GALNT17: variants seen among roughly 807,000 people sequenced by gnomAD.
GALNT17 encodes polypeptide N-acetylgalactosaminyltransferase 17.
Under a neutral mutation model 63.7 loss-of-function variants are expected in GALNT17, and 29 were observed. The ratio of observed to expected loss-of-function variants is 0.46; its 90% CI spans 0.34 to 0.62. GALNT17 has a LOEUF of 0.62. Ranked by LOEUF, GALNT17 falls within the 20% of genes least tolerant of loss-of-function variation. The pLI, the probability that GALNT17 is intolerant of heterozygous loss-of-function variation, is 0.01. For synonymous variants in GALNT17, 305 were observed against 318.3 expected (o/e 0.96, Z 0.45); for missense variants, 603 against 799.6 (o/e 0.75, Z 2.97).
At chr7:71,396,286 T>G (rs1793138536) in intron 3 of GALNT17, among the ~76,000 whole-genome samples, 1 of 152,140 alleles carries the variant, frequency 6.6e-6, no homozygotes, top group Admixed American at 6.5e-5. Flanking sequence ...GAGCTAATTT[T>G]TGTATATGGT....
chr7:71,431,209 CTTTTTTTT>C (rs1265130879), intron 5 of GALNT17, among the ~76,000 whole-genome samples: 2 of 115,118 alleles, frequency 1.7e-5, no homozygotes, highest in African/African-American at 7.5e-5. Flanking sequence ...CTTTTCTTTT[CTTTTTTTT>C]TTTTTTTTTT....
intron 1 of GALNT17, among the ~76,000 whole-genome samples, chr7:71,286,640 A>G (rs1790878798): frequency 6.6e-6 from 1 of 152,060 alleles, no homozygotes; most frequent in Admixed American, 6.6e-5. Context: ...GAGACCCACG[A>G]TCGATGCTAG....
At chr7:71,695,951 C>A (rs1791534292) in intron 9 of GALNT17, among the ~76,000 whole-genome samples, 1 of 152,198 alleles carries the variant, frequency 6.6e-6, no homozygotes, top group African/African-American at 2.4e-5. Context: ...AAAGGAGAAA[C>A]TCTGTCAATT....
At chr7:71,664,894 T>A (rs1265420390) in intron 6 of GALNT17, among the ~76,000 whole-genome samples, 1 of 152,198 alleles carries the variant, frequency 6.6e-6, no homozygotes, top group East Asian at 1.9e-4. Flanking sequence ...CTCCCAAGCC[T>A]CTTTTTTATA....
At chr7:71,171,718 G>A (rs776972635) in intron 1 of GALNT17, among the ~76,000 whole-genome samples, 9 of 152,280 alleles carry the variant, frequency 5.9e-5, no homozygotes, top group Non-Finnish European at 1.2e-4. Context: ...CACACGATGA[G>A]GTTGAATGTG....
At chr7:71,395,684 G>C (rs1793125572) in intron 3 of GALNT17, among the ~76,000 whole-genome samples, 1 of 152,138 alleles carries the variant, frequency 6.6e-6, no homozygotes, top group South Asian at 2.1e-4. Context: ...CAGCCAGACT[G>C]TTTTTCACCT....
intron 1 of GALNT17, among the ~76,000 whole-genome samples, chr7:71,243,836 CATAAAAGGACTGAA>C (rs1790046919): frequency 2.0e-5 from 3 of 152,106 alleles, no homozygotes; most frequent in African/African-American, 7.2e-5. Context: ...AATGTCTGTT[CATAAAAGGACTGAA>C]ACAAGTCTAT....
Position 71,377,110 on chromosome 7 carries a change from A to ATATAT in GALNT17, c.423-11125_423-11124insTATAT, listed in dbSNP as rs1563047531. Among the ~76,000 whole-genome samples, 40 of 63,428 alleles carry ATATAT rather than the reference A, an allele frequency of 6.3e-4. 1 individual carries two copies. Among genetic ancestry groups the ATATAT allele is most frequent in the Non-Finnish European group, 9.0e-4 (31 of 34,494 alleles). 41.6% of individuals were successfully genotyped at this position (63,428 alleles called of 152,430 possible). On this transcript the variant is annotated intron_variant, in intron 2 of 10. Coordinates refer to ENST00000333538, the MANE Select transcript of GALNT17 (RefSeq NM_022479.3). ...CAAAAAAAAAAAAAAATAAAAATAA[A>ATATAT]AAAAATATATATATATATATATATA... is the stretch of plus-strand genomic sequence containing the variant.
At chr7:71,204,412 A>T (rs1789232306) in intron 1 of GALNT17, among the ~76,000 whole-genome samples, 1 of 152,158 alleles carries the variant, frequency 6.6e-6, no homozygotes, top group Non-Finnish European at 1.5e-5. Context: ...TTTTAGGATC[A>T]ATTTTTCTTT....
intron 8 of GALNT17, 40 bp downstream of exon 8, chr7:71,670,149 T>G: frequency 1.2e-6 from 2 of 1,613,274 alleles, no homozygotes; most frequent in Non-Finnish European, 1.7e-6. Context: ...GGAATGCTGT[T>G]CAATATGCTG....
intron 1 of GALNT17, among the ~76,000 whole-genome samples, chr7:71,139,657 G>C (rs1392885044): frequency 6.6e-6 from 1 of 152,072 alleles, no homozygotes; most frequent in Non-Finnish European, 1.5e-5. Flanking sequence ...ACAGAGAGAG[G>C]AAGAGATTTG....
intron 2 of GALNT17, among the ~76,000 whole-genome samples, chr7:71,386,230 T>C (rs1180066831): frequency 6.6e-6 from 1 of 152,224 alleles, no homozygotes; most frequent in Admixed American, 6.5e-5. Context: ...AAAACTTTAT[T>C]TTCTTCTGAA....
chr7:71,336,505 T>G (rs1172095801), intron 2 of GALNT17, among the ~76,000 whole-genome samples: 1 of 152,182 alleles, frequency 6.6e-6, no homozygotes, highest in Non-Finnish European at 1.5e-5. Flanking sequence ...CTCCCTCCAC[T>G]TTCAAGTAGG....
At chr7:71,156,212 T>A (rs1788232395) in intron 1 of GALNT17, among the ~76,000 whole-genome samples, 1 of 150,248 alleles carries the variant, frequency 6.7e-6, no homozygotes, top group African/African-American at 2.5e-5. Flanking sequence ...AAAAAAAAAA[T>A]TCATTCTTAA....
At chr7:71,358,434 C>T (rs925658500) in intron 2 of GALNT17, among the ~76,000 whole-genome samples, 3 of 152,146 alleles carry the variant, frequency 2.0e-5, no homozygotes, top group African/African-American at 7.2e-5. Context: ...GTTACAGAAC[C>T]TGATCTTATC....
At chr7:71,697,967 A>G (rs1196135052) in intron 9 of GALNT17, among the ~76,000 whole-genome samples, 2 of 151,976 alleles carry the variant, frequency 1.3e-5, no homozygotes, top group African/African-American at 4.8e-5. Context: ...TACTAAAAGT[A>G]CAAACATTAG....
At chr7:71,610,188 G>A (rs1790105362) in intron 6 of GALNT17, among the ~76,000 whole-genome samples, 1 of 152,134 alleles carries the variant, frequency 6.6e-6, no homozygotes, top group Non-Finnish European at 1.5e-5. Context: ...AGATATCCTA[G>A]CCATTAAAAT....
At chr7:71,412,364 C>T (rs1159724923) in intron 3 of GALNT17, among the ~76,000 whole-genome samples, 1 of 151,586 alleles carries the variant, frequency 6.6e-6, no homozygotes, top group East Asian at 1.9e-4. Context: ...CTCTCCTAGG[C>T]CATCATCTCC....
intron 9 of GALNT17, among the ~76,000 whole-genome samples, chr7:71,684,859 C>T: frequency 6.6e-6 from 1 of 152,054 alleles, no homozygotes; most frequent in East Asian, 1.9e-4. Flanking sequence ...AAGATGGGGT[C>T]TCACTATGTT....
Sources: allele counts gnomAD v4.1 joint callset (sites outside exome capture counted in the v4.1 genomes callset), GRCh38; gene constraint gnomAD v4.1.1; transcripts MANE v1.5; gene names NCBI Gene and HGNC (gene_info 2026-07-23, HGNC 2026-07-21).